ZNF385D: variants seen among roughly 807,000 people sequenced by gnomAD.
ZNF385D encodes zinc finger protein 385D.
Under a neutral mutation model 35.8 loss-of-function variants are expected in ZNF385D, and 15 were observed. That is an observed-to-expected ratio of 0.42 (90% CI 0.28 to 0.64). ZNF385D has a LOEUF of 0.64. Among genes scored for constraint, ZNF385D ranks in the 30% least tolerant of loss-of-function variants. The pLI is 0.23. For synonymous variants in ZNF385D, 212 were observed against 186.8 expected (o/e 1.13, Z -1.10); for missense variants, 474 against 494.6 (o/e 0.96, Z 0.39).
chr3:21,619,822 T>C (rs1289945348), intron 2 of ZNF385D, among the ~76,000 whole-genome samples: 1 of 152,178 alleles, frequency 6.6e-6, no homozygotes, highest in Non-Finnish European at 1.5e-5. Flanking sequence ...CTGGTAACTA[T>C]AATCCCTAGT....
At chr3:21,480,506 A>C (rs1575015772) in intron 4 of ZNF385D, among the ~76,000 whole-genome samples, 1 of 152,196 alleles carries the variant, frequency 6.6e-6, no homozygotes, top group South Asian at 2.1e-4. Context: ...CCTGTCACTC[A>C]ATATCAAATC....
At chr3:21,754,594 C>A (rs1303306446), upstream of ZNF385D, among the ~76,000 whole-genome samples, 1 of 152,104 alleles carries the variant, frequency 6.6e-6, no homozygotes, top group Non-Finnish European at 1.5e-5. Flanking sequence ...AAAGGTTTAT[C>A]AGTGTACTAA....
rs188623438 is a variant in ZNF385D, at chr3:22,335,440, A to T, written c.106+37010T>A. ...TTTTTTCCTTCCAGATAGTTCAGAT[A>T]ATCATAGAATTATGTCTGATTCCTG... On this transcript the variant is annotated intron_variant, in intron 2 of 5. Transcript: ENST00000494108. 2.3e-3 allele frequency among the ~76,000 whole-genome samples: 353 copies of T among 152,272 alleles called. 7 individuals carry two copies. The South Asian group carries it at 0.027, about 12-fold the overall frequency.
chr3:21,602,613 A>G (rs1473359363), intron 2 of ZNF385D, among the ~76,000 whole-genome samples: 1 of 142,024 alleles, frequency 7.0e-6, no homozygotes, highest in Non-Finnish European at 1.5e-5. Context: ...GCTCACTGCA[A>G]GCTCCGCTTC....
rs373105142 is a variant in ZNF385D at position 21,684,365 on chromosome 3, CCTCT to C, written c.23-19341_23-19338del. Among the ~76,000 whole-genome samples the C allele has an allele frequency of 4.1e-3, 301 of 73,308 alleles. 9 individuals are homozygous for C. The highest frequency in any genetic ancestry group is 0.016 in the South Asian group (26 of 1,588). The allele number at this position is 73,308 out of a possible 152,430, so 48.1% of individuals were successfully genotyped here. A position where few individuals can be genotyped will look rare whatever the true frequency, so the allele number is the denominator to read the frequency against. The stretch of plus-strand genomic sequence containing the variant: ...AAAGCCATAAATGGTTAACTGTTCT[CCTCT>C]CTCTCTCTCTCTCTCTCTCTCTCTC... On this transcript the variant is annotated intron_variant, in intron 1 of 7. Coordinates refer to ENST00000281523, the MANE Select transcript of ZNF385D (RefSeq NM_024697.3).
intron 3 of ZNF385D, among the ~76,000 whole-genome samples, chr3:21,855,298 T>C (rs912165449): frequency 2.0e-5 from 3 of 152,048 alleles, no homozygotes; most frequent in East Asian, 1.9e-4. Context: ...GCATCCCAAA[T>C]TGCTTACTCA....
intron 1 of ZNF385D, among the ~76,000 whole-genome samples, chr3:21,720,683 G>A (rs1423757874): frequency 6.6e-6 from 1 of 152,230 alleles, no homozygotes; most frequent in Non-Finnish European, 1.5e-5. Context: ...TCCGGTTTGA[G>A]AAGAGTGACT....
intron 1 of ZNF385D, among the ~76,000 whole-genome samples, chr3:21,714,404 T>A (rs1275403487): frequency 6.6e-6 from 1 of 152,208 alleles, no homozygotes; most frequent in Non-Finnish European, 1.5e-5. Flanking sequence ...AAAGGCTCAC[T>A]TCTGAGCCTC....
chr3:21,960,571 A>G (rs886172957), intron 3 of ZNF385D, among the ~76,000 whole-genome samples: 10 of 152,266 alleles, frequency 6.6e-5, no homozygotes, highest in African/African-American at 2.4e-4. Flanking sequence ...AAGATCCAGC[A>G]ATCCCACTAC....
chr3:21,935,311 A>C (rs1701206519), intron 3 of ZNF385D, among the ~76,000 whole-genome samples: 1 of 152,120 alleles, frequency 6.6e-6, no homozygotes, highest in South Asian at 2.1e-4. Context: ...TGTAACAAAC[A>C]CTTCTGCAGC....
At chr3:21,968,816 G>C (rs953098675) in intron 3 of ZNF385D, among the ~76,000 whole-genome samples, 1 of 152,164 alleles carries the variant, frequency 6.6e-6, no homozygotes, top group Non-Finnish European at 1.5e-5. Context: ...TAAAGGGAGA[G>C]ACTCCTTTTG....
chr3:22,192,548 C>T (rs1327695237), intron 2 of ZNF385D, among the ~76,000 whole-genome samples: 1 of 152,086 alleles, frequency 6.6e-6, no homozygotes, highest in African/African-American at 2.4e-5. Context: ...AACCAGCTGC[C>T]ATGTTGTGAA....
intron 1 of ZNF385D, among the ~76,000 whole-genome samples, chr3:21,682,264 G>T (rs1348883169): frequency 7.5e-6 from 1 of 132,914 alleles, no homozygotes; most frequent in East Asian, 2.5e-4. Flanking sequence ...TAAGTATGTT[G>T]AAAATCTAAT....
intron 1 of ZNF385D, among the ~76,000 whole-genome samples, chr3:21,735,705 G>A (rs1177924733): frequency 6.6e-6 from 1 of 152,118 alleles, no homozygotes; most frequent in South Asian, 2.1e-4. Context: ...AATTTTTGTT[G>A]CTTCGACATC....
At chr3:22,372,183 C>A (rs369586136) in intron 2 of ZNF385D, among the ~76,000 whole-genome samples, 2 of 152,254 alleles carry the variant, frequency 1.3e-5, no homozygotes, top group African/African-American at 4.8e-5. Flanking sequence ...TGAGACCCTC[C>A]AGCTCCGCGC....
intron 7 of ZNF385D, among the ~76,000 whole-genome samples, chr3:21,422,196 C>CT (rs1700772215): frequency 6.6e-6 from 1 of 152,154 alleles, no homozygotes; most frequent in East Asian, 1.9e-4. Flanking sequence ...TTTGACTACT[C>CT]TGTTTATTTA....
intron 1 of ZNF385D, among the ~76,000 whole-genome samples, chr3:21,715,856 A>C (rs1398414354): frequency 6.6e-6 from 1 of 152,114 alleles, no homozygotes; most frequent in African/African-American, 2.4e-5. Flanking sequence ...CCATATATCT[A>C]ATTGCCTACT....
At chr3:22,108,146 C>A (rs1702321616) in intron 3 of ZNF385D, among the ~76,000 whole-genome samples, 1 of 151,964 alleles carries the variant, frequency 6.6e-6, no homozygotes, top group Non-Finnish European at 1.5e-5. Context: ...GTTACAGCAG[C>A]ATAAAGTGAA....
Position 21,910,773 on chromosome 3 carries a change from A to T in ZNF385D, c.326-245745T>A, listed in dbSNP as rs541528292. On this transcript the variant is annotated intron_variant, in intron 3 of 5. Transcript: ENST00000494108. ...GAGAAGGCAGGACGGAATACAAAGA[A>T]TACTAGATAAATTCCGTGAAAATAA... Among the ~76,000 whole-genome samples, 27 of 151,952 alleles carry T rather than the reference A, an allele frequency of 1.8e-4. No homozygotes were observed. In the South Asian group the frequency reaches 5.4e-3, roughly 30 times the overall value.
Sources: gnomAD v4.1 joint callset for allele counts (sites outside exome capture counted in the v4.1 genomes callset) on GRCh38, gnomAD v4.1.1 for gene constraint, MANE v1.5 for transcripts, NCBI Gene and HGNC (gene_info 2026-07-23, HGNC 2026-07-21) for gene names.